Variants in DLG2 observed in about 807,000 individuals in gnomAD.
The protein encoded by DLG2 is disks large homolog 2.
A neutral mutation model predicts 132.5 loss-of-function variants in DLG2; 45 were observed. That is an observed-to-expected ratio of 0.34 (90% CI 0.27 to 0.44). The LOEUF (loss-of-function observed/expected upper bound fraction) is 0.44. Ranked by LOEUF, DLG2 falls within the 20% of genes least tolerant of loss-of-function variation. The probability of loss-of-function intolerance (pLI) is 1.00; values close to 1 mark genes in which losing one functional copy is unlikely to be tolerated. For synonymous variants in DLG2, 424 were observed against 419.6 expected, an observed-to-expected ratio of 1.01 and a Z score of -0.13; for missense variants, 1,045 against 1,196.9, an observed-to-expected ratio of 0.87 and a Z score of 1.87.
At chr11:85,476,439 ATAATAAATTAAACTTAGCT>A (rs1260575084) in intron 3 of DLG2, among the ~76,000 whole-genome samples, 2 of 152,096 alleles carry the variant, frequency 1.3e-5, no homozygotes, top group African/African-American at 4.8e-5. Context: ...TTATTTTACA[ATAATAAATTAAACTTAGCT>A]TACTGTAACT....
At chr11:83,625,471 C>A (rs2062358864) in intron 19 of DLG2, among the ~76,000 whole-genome samples, 2 of 152,146 alleles carry the variant, frequency 1.3e-5, no homozygotes, top group African/African-American at 4.8e-5. Flanking sequence ...AGTGTCTTAC[C>A]TGCATGATGA....
At chr11:84,317,143 C>T in intron 7 of DLG2, 1 of 1,609,484 alleles carries the variant, frequency 6.2e-7, no homozygotes, top group Non-Finnish European at 8.5e-7. Flanking sequence ...GGTATGCATT[C>T]ATACTGCACT....
chr11:85,464,630 C>T (rs1269449441), intron 3 of DLG2, among the ~76,000 whole-genome samples: 1 of 152,000 alleles, frequency 6.6e-6, no homozygotes, highest in South Asian at 2.1e-4. Flanking sequence ...AATCTTGTGA[C>T]CTCTGGTCAC....
chr11:84,283,243 G>A (rs181457923), intron 7 of DLG2, among the ~76,000 whole-genome samples: 16 of 152,212 alleles, frequency 1.1e-4, no homozygotes, highest in African/African-American at 4.8e-5. Context: ...GGTCTTATTC[G>A]TAATATACAG....
intron 6 of DLG2, among the ~76,000 whole-genome samples, chr11:84,904,758 G>C (rs1198623162): frequency 3.3e-5 from 5 of 152,074 alleles, no homozygotes; most frequent in Non-Finnish European, 5.9e-5. Flanking sequence ...ATGGAACAAA[G>C]TTCTTCCCCA....
chr11:84,796,935 C>T (rs1449056601), intron 6 of DLG2, among the ~76,000 whole-genome samples: 2 of 151,968 alleles, frequency 1.3e-5, no homozygotes, highest in Non-Finnish European at 2.9e-5. Context: ...CAACCTCTGC[C>T]TCCTGGGTTC....
chr11:84,784,916 T>A (rs184917936), intron 6 of DLG2, among the ~76,000 whole-genome samples: 4 of 152,254 alleles, frequency 2.6e-5, no homozygotes, highest in East Asian at 3.9e-4. Context: ...ATACATTGTA[T>A]TTTTGAAAAA....
At chr11:85,030,746 T>C (rs1283387272) in intron 6 of DLG2, among the ~76,000 whole-genome samples, 2 of 152,166 alleles carry the variant, frequency 1.3e-5, no homozygotes, top group Non-Finnish European at 2.9e-5. Context: ...CTTGGTGACT[T>C]TATTTTCTCT....
intron 6 of DLG2, among the ~76,000 whole-genome samples, chr11:84,611,183 G>A (rs1211799002): frequency 2.6e-5 from 4 of 152,102 alleles, no homozygotes; most frequent in African/African-American, 7.2e-5. Context: ...CAAGGACCAT[G>A]TGTTATTAAT....
At chr11:83,519,033 C>T (rs1313567898) in intron 21 of DLG2, among the ~76,000 whole-genome samples, 1 of 152,110 alleles carries the variant, frequency 6.6e-6, no homozygotes, top group Non-Finnish European at 1.5e-5. Context: ...GAACTTAAAA[C>T]ACAGTGCAGA....
At chr11:84,222,474 G>A (rs1470949767) in intron 8 of DLG2, among the ~76,000 whole-genome samples, 1 of 152,146 alleles carries the variant, frequency 6.6e-6, no homozygotes, top group Non-Finnish European at 1.5e-5. Flanking sequence ...TGACAAGGAA[G>A]ACATAAGAAA....
At chr11:84,470,170 G>T (rs1045012600) in intron 7 of DLG2, among the ~76,000 whole-genome samples, 3 of 151,722 alleles carry the variant, frequency 2.0e-5, no homozygotes, top group Non-Finnish European at 4.4e-5. Flanking sequence ...GTACATGACT[G>T]TATAAAGCAC....
intron 8 of DLG2, among the ~76,000 whole-genome samples, chr11:84,205,771 C>A (rs185438947): frequency 6.6e-6 from 1 of 152,070 alleles, no homozygotes; most frequent in Admixed American, 6.6e-5. Context: ...ATGATCTAAG[C>A]TTCTATCTTA....
At chr11:83,665,859 T>C (rs2075414637) in intron 18 of DLG2, among the ~76,000 whole-genome samples, 1 of 152,102 alleles carries the variant, frequency 6.6e-6, no homozygotes, top group African/African-American at 2.4e-5. Context: ...CTCTATCAGC[T>C]GTAGCAGTTA....
At chr11:84,129,433 C>G (rs1339073185) in intron 9 of DLG2, among the ~76,000 whole-genome samples, 1 of 151,968 alleles carries the variant, frequency 6.6e-6, no homozygotes, top group Non-Finnish European at 1.5e-5. Flanking sequence ...CAAATGTCCC[C>G]CAAATTTCAA....
At chr11:83,544,260 C>T (rs2096174485) in intron 19 of DLG2, among the ~76,000 whole-genome samples, 1 of 152,154 alleles carries the variant, frequency 6.6e-6, no homozygotes. Context: ...AAATCATAAT[C>T]ATGAGCATGA....
chr11:85,535,560 T>C (rs189747634), intron 3 of DLG2, among the ~76,000 whole-genome samples: 43 of 152,232 alleles, frequency 2.8e-4, no homozygotes, highest in African/African-American at 9.1e-4. Flanking sequence ...TGAAACCACA[T>C]TGAAAAACAG....
intron 3 of DLG2, among the ~76,000 whole-genome samples, chr11:85,484,490 C>T: frequency 6.6e-6 from 1 of 150,376 alleles, no homozygotes; most frequent in African/African-American, 2.5e-5. Flanking sequence ...ACAATGAACT[C>T]AAACAAATTT....
intron 18 of DLG2, among the ~76,000 whole-genome samples, chr11:83,657,075 C>T (rs1750225400): frequency 6.6e-6 from 1 of 152,202 alleles, no homozygotes; most frequent in Admixed American, 6.5e-5. Flanking sequence ...GCAAGAGTTG[C>T]TCTCTTATCA....
Sources: allele counts gnomAD v4.1 joint callset (sites outside exome capture counted in the v4.1 genomes callset), GRCh38; gene constraint gnomAD v4.1.1; transcripts MANE v1.5; gene names NCBI Gene and HGNC (gene_info 2026-07-23, HGNC 2026-07-21).